Variants in ADGRE3 observed in about 807,000 individuals in gnomAD.
ADGRE3 encodes EGF-like module receptor 3.
ADGRE3 carries 88 observed loss-of-function variants against 80.1 expected under a neutral mutation model. The observed-to-expected ratio is 1.10, with a 90% CI of 0.93 to 1.31. The LOEUF (loss-of-function observed/expected upper bound fraction) is 1.31, where lower values mean the gene tolerates loss of function less well. ADGRE3 is among the 40% of genes most tolerant of loss of function. ADGRE3 has a pLI of 0.00. For missense variants in ADGRE3, 715 were observed against 776.5 expected (o/e 0.92, Z 0.94); for synonymous variants, 281 against 294.8 (o/e 0.95, Z 0.48).
Position 14,650,732 on chromosome 19 carries a change from G to A in ADGRE3, c.697+353C>T, listed in dbSNP as rs531703507. Reference sequence around the variant, plus strand: ...CCCTACACTCTTCAGCTCTTTAGTTGTGATTCTCTGGAGAACACTGATGAA... The same window carrying A: ...CCCTACACTCTTCAGCTCTTTAGTTATGATTCTCTGGAGAACACTGATGAA... On this transcript the variant is annotated intron_variant, in intron 7 of 15. Transcript: ENST00000253673. 2.1e-3 allele frequency among the ~76,000 whole-genome samples: 308 copies of A among 145,070 alleles called. 1 individual carries two copies. Among genetic ancestry groups the A allele is most frequent in the African/African-American group, 7.4e-3 (292 of 39,470 alleles).
chr19:14,673,528 A>G (rs550955057), intron 1 of ADGRE3, among the ~76,000 whole-genome samples: 2 of 152,312 alleles, frequency 1.3e-5, no homozygotes, highest in East Asian at 3.9e-4. Context: ...TGGGAGGAGC[A>G]TTATAGCAAA....
chr19:14,670,862 T>G lies in ADGRE3; in HGVS notation c.26-2010A>C, dbSNP rs191784638. ...CTAGCTGATAACCCATTACACCACATAGCCTCTCCTTCAGAAATCCCACAG... is the reference window on the plus strand; with the variant it reads ...CTAGCTGATAACCCATTACACCACAGAGCCTCTCCTTCAGAAATCCCACAG... On this transcript the variant is annotated intron_variant, in intron 1 of 15. Transcript: ENST00000253673. Among the ~76,000 whole-genome samples the G allele has an allele frequency of 6.1e-4, 93 of 152,330 alleles. 1 individual carries two copies. The highest frequency in any genetic ancestry group is 2.2e-3 in the African/African-American group (91 of 41,584).
chr19:14,671,343 T>C (rs1972251397), intron 1 of ADGRE3, among the ~76,000 whole-genome samples: 1 of 152,132 alleles, frequency 6.6e-6, no homozygotes, highest in Non-Finnish European at 1.5e-5. Flanking sequence ...TCTCCTTGCC[T>C]TTTCCAGCTT....
At chr19:14,627,887 G>C (rs1211188122) in intron 14 of ADGRE3, among the ~76,000 whole-genome samples, 4 of 152,002 alleles carry the variant, frequency 2.6e-5, no homozygotes, top group East Asian at 1.9e-4. Context: ...CCAGCACTTT[G>C]GGAGGCTGAG....
chr19:14,602,811 C>T, the ADGRE3 span, among the ~76,000 whole-genome samples: 1 of 151,942 alleles, frequency 6.6e-6, no homozygotes, highest in Non-Finnish European at 1.5e-5. Flanking sequence ...TCTTGGCTCA[C>T]TGCAACCTCT....
In ADGRE3 at chr19:14,644,100, C is replaced by A; in HGVS notation, c.1050+8G>T. The stretch of plus-strand genomic sequence containing the variant: ...ATTTGCTGGAAGAATAAAACATATA[C>A]ATCATACCTGGCTGGTCAGGGCCAT... On this transcript the variant is annotated splice_region_variant and intron_variant, in intron 9 of 15. Transcript: ENST00000253673. 1 of 1,485,026 alleles carries A rather than the reference C, an allele frequency of 6.7e-7. No individual in the cohort carries two copies. The highest frequency in any genetic ancestry group is 9.0e-7 in the Non-Finnish European group (1 of 1,111,990). 92.0% of individuals were successfully genotyped at this position (1,485,026 alleles called of 1,614,324 possible).
chr19:14,643,214 C>T (rs1357876822), intron 9 of ADGRE3, among the ~76,000 whole-genome samples: 1 of 143,858 alleles, frequency 7.0e-6, no homozygotes, highest in African/African-American at 2.6e-5. Context: ...GGTGTGATCT[C>T]GGTTCGCTGC....
intron 8 of ADGRE3, among the ~76,000 whole-genome samples, chr19:14,646,692 C>T (rs1971414801): frequency 9.5e-6 from 1 of 105,322 alleles, no homozygotes; most frequent in South Asian, 3.4e-4. Flanking sequence ...TCCCTCCCTC[C>T]CTCCTTCCTT....
the ADGRE3 span, among the ~76,000 whole-genome samples, chr19:14,603,708 T>C: frequency 6.6e-6 from 1 of 152,076 alleles, no homozygotes; most frequent in Non-Finnish European, 1.5e-5. Flanking sequence ...TCAAGTGATC[T>C]GCTCCCCTTG....
intron 15 of ADGRE3, among the ~76,000 whole-genome samples, chr19:14,620,568 A>ATATATATATTTT (rs1435435269): frequency 1.8e-4 from 2 of 11,050 alleles, no homozygotes; most frequent in East Asian, 2.9e-3. Context: ...ATATATATAT[A>ATATATATATTTT]TTTTTTTTTT....
intron 6 of ADGRE3, 51 bp downstream of exon 6, chr19:14,654,931 C>A (rs757158685): frequency 1.4e-6 from 2 of 1,467,520 alleles, no homozygotes; most frequent in Non-Finnish European, 1.9e-6. Flanking sequence ...TAACCCAGAT[C>A]CCAGCTGCTA....
chr19:14,610,615 G>A, the ADGRE3 span: 3 of 178,572 alleles, frequency 1.7e-5, no homozygotes, highest in South Asian at 3.5e-4. Flanking sequence ...AAACTTCTGG[G>A]CTCAGGTGAT....
intron 4 of ADGRE3, among the ~76,000 whole-genome samples, chr19:14,658,975 C>T (rs930020341): frequency 1.7e-4 from 26 of 149,924 alleles, no homozygotes; most frequent in African/African-American, 2.0e-4. Context: ...CCTCATGATC[C>T]GCCTGCCTCG....
At chr19:14,671,462 C>T (rs539408235) in intron 1 of ADGRE3, among the ~76,000 whole-genome samples, 1 of 152,090 alleles carries the variant, frequency 6.6e-6, no homozygotes, top group African/African-American at 2.4e-5. Flanking sequence ...TTAAGAGGAC[C>T]TTTGTGATTA....
At chr19:14,625,377 A>AAC in intron 15 of ADGRE3, 115 bp downstream of exon 15, 1 of 727,728 alleles carries the variant, frequency 1.4e-6, no homozygotes, top group Non-Finnish European at 2.4e-6. Flanking sequence ...GTAACCTCAG[A>AAC]ACTTAAAAAA....
chr19:14,663,334 C>T, intron 3 of ADGRE3, 84 bp downstream of exon 3: 2 of 877,030 alleles, frequency 2.3e-6, no homozygotes, highest in Non-Finnish European at 3.0e-6. Context: ...CACAGCAGTC[C>T]AGCCTGGGCA....
Position 14,647,282 on chromosome 19 carries a change from C to G in ADGRE3, c.781G>C (p.Asp261His). ...ATFFEEMDKKDQVYLNSQVVS... is the reference protein window; with the variant it reads ...ATFFEEMDKKHQVYLNSQVVS... ...ACCTGAGAGTTCAGATACACTTGAT[C>G]TTTCTTATCCATCTCTTCAAAAAAA... Residue 261 changes from aspartate to histidine, a missense_variant, in exon 8 of 16, where the codon GAT (aspartate) becomes CAT (histidine). By Grantham distance (81) the Asp-to-His change is moderately conservative. Transcript: ENST00000253673. 1 of 1,613,238 alleles carries G rather than the reference C, an allele frequency of 6.2e-7. No individual in the cohort carries two copies. Among genetic ancestry groups the G allele is most frequent in the Non-Finnish European group, 8.5e-7 (1 of 1,179,284 alleles).
chr19:14,655,023 T>G lies in ADGRE3; in HGVS notation c.536A>C (p.Asp179Ala), dbSNP rs2146877422. 2 of 1,614,122 alleles carry G rather than the reference T, an allele frequency of 1.2e-6. No individual in the cohort carries two copies. The highest frequency in any genetic ancestry group is 1.7e-6 in the Non-Finnish European group (2 of 1,180,004). Residue 179 changes from aspartate to alanine, a missense_variant, in exon 6 of 16, where the codon GAT becomes GCT. By Grantham distance (126) the Asp-to-Ala change is moderately radical. Coordinates refer to ENST00000253673, the MANE Select transcript of ADGRE3 (RefSeq NM_032571.5). ...ESKVLETALK[D>A]PEQKVLKIQN... is the part of the protein sequence containing the mutation. ...GATTTTCAGGACTTTTTGTTCTGGA[T>G]CTTTCAAGGCAGTTTCTAGAACTTT...
chr19:14,638,465 G>A, intron 10 of ADGRE3, 125 bp from the exon 11 acceptor site: 1 of 660,594 alleles, frequency 1.5e-6, no homozygotes, highest in South Asian at 1.9e-5. Flanking sequence ...AAAAGTAAAG[G>A]GGAACTGGAT....
Sources: gnomAD v4.1 joint callset for allele counts (sites outside exome capture counted in the v4.1 genomes callset) on GRCh38, gnomAD v4.1.1 for gene constraint, MANE v1.5 for transcripts, NCBI Gene and HGNC (gene_info 2026-07-23, HGNC 2026-07-21) for gene names.